PPFIBP1: variants seen among roughly 807,000 people sequenced by gnomAD.
The protein encoded by PPFIBP1 is liprin-beta-1.
A neutral mutation model predicts 137.8 loss-of-function variants in PPFIBP1; 112 were observed. The ratio of observed to expected loss-of-function variants is 0.81; its 90% CI spans 0.70 to 0.95. PPFIBP1 has a LOEUF of 0.95. PPFIBP1 is among the 40% of genes least tolerant of loss of function. PPFIBP1 has a pLI of 0.00. For missense variants in PPFIBP1, 1,083 were observed against 1,196.6 expected (o/e 0.91, Z 1.40); for synonymous variants, 378 against 417.3 (o/e 0.91, Z 1.15).
Position 27,653,586 on chromosome 12 carries a change from TAA to T in PPFIBP1, c.604-1115_604-1114del, listed in dbSNP as rs11306083. On this transcript the variant is annotated intron_variant, in intron 7 of 29. Coordinates refer to ENST00000228425, the MANE Select transcript of PPFIBP1 (RefSeq NM_003622.4). Reference sequence around the variant, plus strand: ...TGGGTGACAGAGTGAGACTCCATCTTAAAAAAAAAAAAAAAAAAAAAAGGAGA... The same window carrying T: ...TGGGTGACAGAGTGAGACTCCATCTTAAAAAAAAAAAAAAAAAAAAGGAGA... Among the ~76,000 whole-genome samples, 722 of 107,552 alleles carry T rather than the reference TAA, an allele frequency of 6.7e-3. 11 individuals carry two copies. Among genetic ancestry groups the T allele is most frequent in the South Asian group, 0.021 (63 of 3,068 alleles). 70.6% of individuals were successfully genotyped at this position (107,552 alleles called of 152,430 possible). A position where few individuals can be genotyped will look rare whatever the true frequency, so the allele number is the denominator to read the frequency against.
rs150259024 is a variant in PPFIBP1, at chr12:27,574,275, G to A, written c.-123-3877G>A. The stretch of plus-strand genomic sequence containing the variant: ...GCCAGGCTATGAGAACAATCTTTCC[G>A]TAAAGTCTGTTGATGCTTACTCAAC... On this transcript the variant is annotated intron_variant, in intron 1 of 29. Transcript: ENST00000228425. 2.5e-3 allele frequency among the ~76,000 whole-genome samples: 377 copies of A among 152,212 alleles called. 1 individual carries two copies. The highest frequency in any genetic ancestry group is 8.6e-3 in the African/African-American group (358 of 41,540).
At chr12:27,654,890 A>T in intron 8 of PPFIBP1, 76 bp downstream of exon 8, 1 of 1,492,618 alleles carries the variant, frequency 6.7e-7, no homozygotes, top group Non-Finnish European at 8.9e-7. Flanking sequence ...TATAAATAAG[A>T]TGTTTTCTAC....
intron 5 of PPFIBP1, among the ~76,000 whole-genome samples, chr12:27,647,488 A>G (rs145035089): frequency 1.8e-4 from 28 of 152,156 alleles, no homozygotes; most frequent in African/African-American, 6.7e-4. Context: ...ACCAAAAAGT[A>G]TTGTACATTC....
chr12:27,585,367 C>T (rs116144734), intron 2 of PPFIBP1, among the ~76,000 whole-genome samples: 2,249 of 152,284 alleles, frequency 0.015, 52 homozygotes, highest in African/African-American at 0.052. Context: ...ATCTACGCTG[C>T]GCTGTGTCTC....
chr12:27,593,113 C>T (rs1436942074), intron 2 of PPFIBP1, among the ~76,000 whole-genome samples: 1 of 84,710 alleles, frequency 1.2e-5, no homozygotes, highest in Admixed American at 1.6e-4. Flanking sequence ...GCCTGGGCAA[C>T]GGAGAAAGAA....
chr12:27,532,006 A>AAATGGG (rs1211992037), intron 1 of PPFIBP1, among the ~76,000 whole-genome samples: 1 of 152,212 alleles, frequency 6.6e-6, no homozygotes, highest in Non-Finnish European at 1.5e-5. Flanking sequence ...GTCTTCTGTG[A>AAATGGG]AATGGGAATA....
At chr12:27,644,926 T>TC (rs71039830) in intron 4 of PPFIBP1, among the ~76,000 whole-genome samples, 5 of 151,686 alleles carry the variant, frequency 3.3e-5, no homozygotes, top group East Asian at 1.9e-4. Context: ...TTTTTTTTCT[T>TC]CCCCCTTCCC....
rs1490855192 is a variant in PPFIBP1, at chr12:27,671,531, CT to C, written c.1249del (p.Ser417HisfsTer9). Reference protein sequence around the residue: ...EKSKLTPKPETSFEENDGNII... With the variant: ...EKSKLTPKPEXSFEENDGNII... ...TCAAAGTTGACTCCTAAGCCAGAGA[CT>C]TCATTTGAAGAAAAGTATGTCATTT... is the stretch of plus-strand genomic sequence containing the variant. On this transcript the variant is annotated frameshift_variant, in exon 14 of 30. Coordinates refer to ENST00000228425, the MANE Select transcript of PPFIBP1 (RefSeq NM_003622.4). LOFTEE classifies it high-confidence loss of function. 6.4e-7 allele frequency: 1 copy of C among 1,573,898 alleles called. No homozygotes were observed. The highest frequency in any genetic ancestry group is 1.9e-5 in the Admixed American group (1 of 53,122).
At chr12:27,568,731 G>A (rs1205571948) in intron 1 of PPFIBP1, among the ~76,000 whole-genome samples, 1 of 152,158 alleles carries the variant, frequency 6.6e-6, no homozygotes, top group Non-Finnish European at 1.5e-5. Context: ...CTTTCCCAGT[G>A]AATTTATCAA....
intron 19 of PPFIBP1, among the ~76,000 whole-genome samples, chr12:27,679,178 C>T (rs1213514024): frequency 6.6e-6 from 1 of 152,160 alleles, no homozygotes; most frequent in Non-Finnish European, 1.5e-5. Context: ...AGGTAATCAA[C>T]AGTACCACGT....
chr12:27,532,107 GAT>G (rs2135816098), intron 1 of PPFIBP1, among the ~76,000 whole-genome samples: 1 of 152,320 alleles, frequency 6.6e-6, no homozygotes, highest in South Asian at 2.1e-4. Context: ...TTTGATGACA[GAT>G]ATTGTTGTTA....
intron 2 of PPFIBP1, among the ~76,000 whole-genome samples, chr12:27,628,006 T>C (rs2056971847): frequency 6.6e-6 from 1 of 152,120 alleles, no homozygotes; most frequent in Non-Finnish European, 1.5e-5. Flanking sequence ...TTCTCCAGTT[T>C]GAACTATGAC....
chr12:27,680,535 A>G (rs1238373026), intron 21 of PPFIBP1, among the ~76,000 whole-genome samples: 5 of 152,224 alleles, frequency 3.3e-5, no homozygotes, highest in African/African-American at 4.8e-5. Flanking sequence ...AAAGCTGACC[A>G]TGAAGGTTAA....
chr12:27,607,950 TTG>T (rs2054701363), intron 2 of PPFIBP1, among the ~76,000 whole-genome samples: 3 of 152,190 alleles, frequency 2.0e-5, no homozygotes, highest in Non-Finnish European at 4.4e-5. Context: ...TTTTTATTGG[TTG>T]TGTTGAGGAT....
rs1328724292 is a variant in PPFIBP1, at chr12:27,558,504, A to G, written c.-123-19648A>G. Among the ~76,000 whole-genome samples, 2 of 110,362 alleles carry G rather than the reference A, an allele frequency of 1.8e-5. 1 individual carries two copies. The highest frequency in any genetic ancestry group is 3.8e-5 in the Non-Finnish European group (2 of 53,122). The allele number at this position is 110,362 out of a possible 152,430, so 72.4% of individuals were successfully genotyped here. On this transcript the variant is annotated intron_variant, in intron 1 of 29. Coordinates refer to ENST00000228425, the MANE Select transcript of PPFIBP1 (RefSeq NM_003622.4). The stretch of plus-strand genomic sequence containing the variant: ...CACACACACACACACACGATATTCT[A>G]TATAGATCAAGAAATGTCTTACTTC...
chr12:27,638,991 A>G (rs1357816659), intron 4 of PPFIBP1, among the ~76,000 whole-genome samples: 1 of 152,196 alleles, frequency 6.6e-6, no homozygotes, highest in Non-Finnish European at 1.5e-5. Context: ...TACCTGGGCC[A>G]GGGAGATCCC....
chr12:27,623,213 G>T (rs1333051966), intron 2 of PPFIBP1, among the ~76,000 whole-genome samples: 5 of 152,272 alleles, frequency 3.3e-5, no homozygotes, highest in African/African-American at 1.2e-4. Context: ...GCAATAACAA[G>T]TTGAAACAGA....
At chr12:27,691,339 G>A (rs2061530105) in intron 27 of PPFIBP1, among the ~76,000 whole-genome samples, 1 of 151,902 alleles carries the variant, frequency 6.6e-6, no homozygotes, top group African/African-American at 2.4e-5. Context: ...TACTCCAGAG[G>A]CTGAGGCAGG....
intron 13 of PPFIBP1, among the ~76,000 whole-genome samples, 175 bp from the exon 14 acceptor site, chr12:27,671,256 G>T (rs1282046172): frequency 6.6e-6 from 1 of 152,126 alleles, no homozygotes; most frequent in Non-Finnish European, 1.5e-5. Flanking sequence ...TGATTTCCTT[G>T]ATTAGTACTC....
Sources: gnomAD v4.1 joint callset for allele counts (sites outside exome capture counted in the v4.1 genomes callset) on GRCh38, gnomAD v4.1.1 for gene constraint, MANE v1.5 for transcripts, NCBI Gene and HGNC (gene_info 2026-07-23, HGNC 2026-07-21) for gene names.